The following CIMIP1 variants were observed in gnomAD, a reference collection of about 807,000 sequenced individuals.
The protein encoded by CIMIP1 is low in lung cancer 1.
At chr20:58,150,916 G>T in the CIMIP1 span, 1 of 1,557,988 alleles carries the variant, frequency 6.4e-7, no homozygotes, top group Non-Finnish European at 8.7e-7. Context: ...GACGCGAGAC[G>T]CTGAGCCCAG....
the CIMIP1 span, chr20:58,153,473 T>C: frequency 8.6e-7 from 1 of 1,164,466 alleles, no homozygotes; most frequent in Non-Finnish European, 1.3e-6. Flanking sequence ...TCGTGGAGAA[T>C]GGAAATGTCC....
the CIMIP1 span, chr20:58,160,759 G>C: frequency 6.2e-7 from 1 of 1,614,078 alleles, no homozygotes; most frequent in Non-Finnish European, 8.5e-7. Context: ...TCGACGATGC[G>C]ATCAGAAGCT....
the CIMIP1 span, among the ~76,000 whole-genome samples, chr20:58,159,919 C>T: frequency 6.6e-6 from 1 of 152,204 alleles, no homozygotes; most frequent in Non-Finnish European, 1.5e-5. Context: ...CTCCTGCCAC[C>T]GCCTCACCGG....
chr20:58,152,947 G>C, the CIMIP1 span, among the ~76,000 whole-genome samples: 3 of 152,260 alleles, frequency 2.0e-5, no homozygotes, highest in African/African-American at 7.2e-5. Context: ...TTCCAAGATA[G>C]AAGAAACTAG....
At chr20:58,152,957 G>C in the CIMIP1 span, among the ~76,000 whole-genome samples, 6 of 152,156 alleles carry the variant, frequency 3.9e-5, no homozygotes, top group African/African-American at 1.2e-4. Context: ...GAAGAAACTA[G>C]AAAACTCAAA....
At chr20:58,154,367 A>C in the CIMIP1 span, among the ~76,000 whole-genome samples, 1 of 152,240 alleles carries the variant, frequency 6.6e-6, no homozygotes, top group Non-Finnish European at 1.5e-5. Context: ...AGATGTTTAC[A>C]TGAAATTTTC....
At chr20:58,160,859 G>T in the CIMIP1 span, 1 of 1,586,440 alleles carries the variant, frequency 6.3e-7, no homozygotes, top group South Asian at 1.1e-5. Context: ...GCTGCATATC[G>T]GTCACCAGGC....
At chr20:58,155,249 A>G in the CIMIP1 span, among the ~76,000 whole-genome samples, 1 of 152,256 alleles carries the variant, frequency 6.6e-6, no homozygotes, top group Non-Finnish European at 1.5e-5. Context: ...GCCTGCGTTG[A>G]GGTCCCCACC....
chr20:58,151,070 T>C, the CIMIP1 span: 1 of 1,553,802 alleles, frequency 6.4e-7, no homozygotes, highest in Non-Finnish European at 8.8e-7. Flanking sequence ...GGGCTCCTGT[T>C]CTCACCTGAA....
the CIMIP1 span, chr20:58,155,370 C>A: frequency 4.2e-6 from 4 of 956,270 alleles, no homozygotes; most frequent in South Asian, 1.6e-5. Flanking sequence ...GGACACTCCC[C>A]CAGCTTCACC....
chr20:58,159,923 T>G, the CIMIP1 span, among the ~76,000 whole-genome samples: 1 of 152,206 alleles, frequency 6.6e-6, no homozygotes, highest in Non-Finnish European at 1.5e-5. Flanking sequence ...TGCCACCGCC[T>G]CACCGGCAGG....
At chr20:58,160,841 C>T in the CIMIP1 span, 2 of 1,602,606 alleles carry the variant, frequency 1.2e-6, no homozygotes, top group Non-Finnish European at 1.7e-6. Flanking sequence ...GGAGTTCTGC[C>T]CAGGGGTGCT....
At chr20:58,151,055 G>A in the CIMIP1 span, 3 of 1,582,558 alleles carry the variant, frequency 1.9e-6, no homozygotes, top group Non-Finnish European at 2.6e-6. Context: ...ATCGGGCAAC[G>A]CGGTGGGCTC....
chr20:58,151,337 AT>A, the CIMIP1 span, among the ~76,000 whole-genome samples: 1 of 150,654 alleles, frequency 6.6e-6, no homozygotes, highest in African/African-American at 2.4e-5. Context: ...TAACATGTTC[AT>A]GTTTTTTTTT....
the CIMIP1 span, among the ~76,000 whole-genome samples, chr20:58,158,663 TG>T: frequency 1.3e-5 from 2 of 150,550 alleles, no homozygotes; most frequent in Non-Finnish European, 3.0e-5. Flanking sequence ...AAAAAAAAAA[TG>T]GTAGCTGGTT....
the CIMIP1 span, chr20:58,153,568 G>C: frequency 6.2e-7 from 1 of 1,614,158 alleles, no homozygotes. Flanking sequence ...AGGCTGAATC[G>C]GAAGCACGGC....
the CIMIP1 span, chr20:58,153,667 C>A: frequency 7.5e-7 from 1 of 1,336,128 alleles, no homozygotes; most frequent in Non-Finnish European, 1.1e-6. Flanking sequence ...CAGAATCAAT[C>A]ATTTCAAAGA....
the CIMIP1 span, chr20:58,160,842 C>A: frequency 9.4e-6 from 15 of 1,602,248 alleles, no homozygotes; most frequent in East Asian, 3.1e-4. Flanking sequence ...GAGTTCTGCC[C>A]AGGGGTGCTG....
chr20:58,154,097 G>A, the CIMIP1 span, among the ~76,000 whole-genome samples: 2 of 152,236 alleles, frequency 1.3e-5, no homozygotes, highest in African/African-American at 4.8e-5. Flanking sequence ...ACCTGGCCTG[G>A]AGGCCAAGTG....
Sources: allele counts gnomAD v4.1 joint callset (sites outside exome capture counted in the v4.1 genomes callset), GRCh38; gene constraint gnomAD v4.1.1; transcripts MANE v1.5; gene names NCBI Gene and HGNC (gene_info 2026-07-23, HGNC 2026-07-21).